The following SCG5 variants were observed in gnomAD, a reference collection of about 807,000 sequenced individuals.
SCG5 encodes neuroendocrine protein 7B2.
Under a neutral mutation model 25.7 loss-of-function variants are expected in SCG5, and 18 were observed. That is an observed-to-expected ratio of 0.70 (90% CI 0.48 to 1.04). The LOEUF is 1.04. Ranked by LOEUF, SCG5 falls within the 50% of genes least tolerant of loss-of-function variation. The probability of loss-of-function intolerance (pLI) is 0.00; values close to 1 mark genes in which losing one functional copy is unlikely to be tolerated. For synonymous variants in SCG5, 101 were observed against 91.7 expected (o/e 1.10, Z -0.58); for missense variants, 206 against 259.8 (o/e 0.79, Z 1.42).
At chr15:32,691,980 C>A (rs975532385) in intron 5 of SCG5, 1 of 1,420,064 alleles carries the variant, frequency 7.0e-7, no homozygotes, top group Admixed American at 3.1e-5. Context: ...TTTAGTGGAA[C>A]GCGCAGTCTG....
At chr15:32,673,527 CGTGTGT>C (rs55968956) in intron 2 of SCG5, among the ~76,000 whole-genome samples, 27 of 134,944 alleles carry the variant, frequency 2.0e-4, no homozygotes, top group East Asian at 1.3e-3. Flanking sequence ...ATAAGATCCC[CGTGTGT>C]GTGTGTGTGT....
At chr15:32,688,916 G>A (rs1485819344) in intron 4 of SCG5, among the ~76,000 whole-genome samples, 6 of 143,960 alleles carry the variant, frequency 4.2e-5, no homozygotes, top group Non-Finnish European at 8.9e-5. Context: ...CCGAGATAGT[G>A]CCACTGCAGT....
At chr15:32,653,279 A>G (rs935256638) in intron 2 of SCG5, among the ~76,000 whole-genome samples, 6 of 152,232 alleles carry the variant, frequency 3.9e-5, no homozygotes, top group Admixed American at 2.6e-4. Context: ...TCCATTCCTT[A>G]AATAACATGT....
At chr15:32,691,791 G>C (rs759928125) in intron 5 of SCG5, 28 bp downstream of exon 5, 1 of 1,609,152 alleles carries the variant, frequency 6.2e-7, no homozygotes, top group Non-Finnish European at 8.5e-7. Flanking sequence ...GGATTGTTGC[G>C]GGGATGCTTG....
At chr15:32,689,935 G>T (rs1283497211) in intron 4 of SCG5, among the ~76,000 whole-genome samples, 1 of 150,624 alleles carries the variant, frequency 6.6e-6, no homozygotes, top group Non-Finnish European at 1.5e-5. Context: ...TCTGCCTCCT[G>T]GGTTCATGCC....
intron 2 of SCG5, among the ~76,000 whole-genome samples, chr15:32,667,712 G>A (rs113077335): frequency 0.013 from 1,953 of 148,458 alleles, 52 homozygotes; most frequent in African/African-American, 0.046. Flanking sequence ...TCACTGTGTC[G>A]CCCAGGCTGG....
chr15:32,669,499 A>C (rs901176264), intron 2 of SCG5, among the ~76,000 whole-genome samples: 1 of 152,212 alleles, frequency 6.6e-6, no homozygotes, highest in Non-Finnish European at 1.5e-5. Flanking sequence ...GCTAAGCCAT[A>C]TAATTTCAGC....
At chr15:32,661,952 T>A (rs1468466482) in intron 2 of SCG5, among the ~76,000 whole-genome samples, 2 of 152,218 alleles carry the variant, frequency 1.3e-5, no homozygotes, top group Admixed American at 6.5e-5. Context: ...AGGTAGTTTT[T>A]AAAATCATAC....
At chr15:32,685,688 C>T (rs550852817) in intron 4 of SCG5, among the ~76,000 whole-genome samples, 11 of 152,182 alleles carry the variant, frequency 7.2e-5, no homozygotes, top group Non-Finnish European at 1.6e-4. Flanking sequence ...CAAACAAGAT[C>T]AGAACTGAGT....
chr15:32,690,004 G>T (rs977428013), intron 4 of SCG5, among the ~76,000 whole-genome samples: 7 of 152,112 alleles, frequency 4.6e-5, no homozygotes, highest in African/African-American at 1.7e-4. Context: ...ACCACGCCCG[G>T]CTAATTTTTT....
At chr15:32,673,331 ACT>A (rs906232249) in intron 2 of SCG5, among the ~76,000 whole-genome samples, 4 of 152,008 alleles carry the variant, frequency 2.6e-5, no homozygotes, top group Non-Finnish European at 5.9e-5. Context: ...TCACCTAGGC[ACT>A]CTCTCGGAGC....
intron 4 of SCG5, among the ~76,000 whole-genome samples, chr15:32,689,884 C>G (rs2054813036): frequency 6.6e-6 from 1 of 151,468 alleles, no homozygotes; most frequent in Admixed American, 6.6e-5. Flanking sequence ...CTCTGTCCCC[C>G]AGGCTGGAGT....
At chr15:32,644,292 G>A (rs1028073723) in intron 2 of SCG5, among the ~76,000 whole-genome samples, 1 of 152,168 alleles carries the variant, frequency 6.6e-6, no homozygotes, top group Admixed American at 6.5e-5. Flanking sequence ...GCTTCAAAAT[G>A]TAGAACCTAC....
intron 3 of SCG5, among the ~76,000 whole-genome samples, chr15:32,681,485 C>CTTTT (rs61387158): frequency 7.1e-6 from 1 of 140,046 alleles, no homozygotes; most frequent in East Asian, 2.1e-4. Flanking sequence ...TTTTCTTTTT[C>CTTTT]TTTTTTTTTT....
At chr15:32,670,304 G>GGGC (rs1331359420) in intron 2 of SCG5, among the ~76,000 whole-genome samples, 1 of 152,250 alleles carries the variant, frequency 6.6e-6, no homozygotes, top group Non-Finnish European at 1.5e-5. Flanking sequence ...CGGCTATGTG[G>GGGC]GGCAGTCCCT....
chr15:32,662,760 G>A (rs1462461905), intron 2 of SCG5, among the ~76,000 whole-genome samples: 1 of 152,000 alleles, frequency 6.6e-6, no homozygotes, highest in Admixed American at 6.6e-5. Context: ...TGGCGAGAGA[G>A]GAGGTAGTGC....
At chr15:32,655,782 G>A (rs1481391100) in intron 2 of SCG5, among the ~76,000 whole-genome samples, 1 of 152,134 alleles carries the variant, frequency 6.6e-6, no homozygotes, top group Admixed American at 6.5e-5. Flanking sequence ...CCACTGTGAG[G>A]AACAGGCCCT....
chr15:32,694,042 G>A (rs2054912101), intron 5 of SCG5, among the ~76,000 whole-genome samples: 1 of 151,902 alleles, frequency 6.6e-6, no homozygotes, highest in Non-Finnish European at 1.5e-5. Context: ...CCTGGGAGGT[G>A]GAGTTTGCAG....
chr15:32,685,773 T>C (rs201002613), intron 4 of SCG5, among the ~76,000 whole-genome samples: 1 of 152,064 alleles, frequency 6.6e-6, no homozygotes, highest in Non-Finnish European at 1.5e-5. Flanking sequence ...TACCTAGGAG[T>C]GTTCCTTCAC....
Sources: gnomAD v4.1 joint callset for allele counts (sites outside exome capture counted in the v4.1 genomes callset) on GRCh38, gnomAD v4.1.1 for gene constraint, MANE v1.5 for transcripts, NCBI Gene and HGNC (gene_info 2026-07-23, HGNC 2026-07-21) for gene names.